The following NCOR1 variants were observed in gnomAD, a reference collection of about 807,000 sequenced individuals.
The protein encoded by NCOR1 is protein phosphatase 1, regulatory subunit 109.
Under a neutral mutation model 288.1 loss-of-function variants are expected in NCOR1, and 63 were observed. That is an observed-to-expected ratio of 0.22 (90% confidence interval 0.18 to 0.27). NCOR1 has a LOEUF of 0.27. Among genes scored for constraint, NCOR1 ranks in the 10% least tolerant of loss-of-function variants. NCOR1 has a pLI of 1.00. For missense variants in NCOR1, 2,397 were observed against 3,019.2 expected, an observed-to-expected ratio of 0.79 and a Z score of 4.83; for synonymous variants, 1,007 against 1,065.9, an observed-to-expected ratio of 0.94 and a Z score of 1.08.
intron 28 of NCOR1, among the ~76,000 whole-genome samples, chr17:16,073,153 G>A (rs2061966579): frequency 6.6e-6 from 1 of 152,130 alleles, no homozygotes; most frequent in South Asian, 2.1e-4. Context: ...CAAATTGTAT[G>A]AGCATTCAAA....
At chr17:16,058,698 C>G in intron 37 of NCOR1, 99 bp from the exon 38 acceptor site, 1 of 1,246,984 alleles carries the variant, frequency 8.0e-7, no homozygotes, top group Non-Finnish European at 1.1e-6. Flanking sequence ...TCTGATCCAC[C>G]ATGTTCAAAG....
chr17:16,149,292 CATATATATAT>C (rs34511605), intron 9 of NCOR1, among the ~76,000 whole-genome samples, 149 bp downstream of exon 9: 8 of 137,962 alleles, frequency 5.8e-5, no homozygotes, highest in African/African-American at 1.6e-4. Flanking sequence ...AGATTTAAGT[CATATATATAT>C]ATATATATAT....
intron 42 of NCOR1, chr17:16,044,331 A>T (rs1316688785): frequency 6.4e-6 from 3 of 466,662 alleles, no homozygotes; most frequent in African/African-American, 2.0e-5. Flanking sequence ...ACACTGGCTC[A>T]TCCTTTTTTC....
intron 18 of NCOR1, among the ~76,000 whole-genome samples, chr17:16,117,533 AAC>A (rs1358776677): frequency 4.7e-5 from 7 of 148,348 alleles, no homozygotes; most frequent in African/African-American, 1.0e-4. Context: ...AAAAAAAAAA[AAC>A]ATCAAGGCTA....
rs144246158 is a variant in NCOR1 at position 16,106,883 on chromosome 17, A to AT, written c.2182+1902dup. Among the ~76,000 whole-genome samples, 74 of 31,414 alleles carry AT rather than the reference A, an allele frequency of 2.4e-3. 2 individuals carry two copies. The highest frequency in any genetic ancestry group is 4.1e-3 in the East Asian group (3 of 740). The allele number at this position is 31,414 out of a possible 152,430, so 20.6% of individuals were successfully genotyped here. On this transcript the variant is annotated intron_variant, in intron 19 of 45. Coordinates refer to ENST00000268712, the MANE Select transcript of NCOR1 (RefSeq NM_006311.4). ...TATATATATATATATATATATATATATTTTTTTTTTTTTTTTTTTTTTTTT... is the reference window on the plus strand; with the variant it reads ...TATATATATATATATATATATATATATTTTTTTTTTTTTTTTTTTTTTTTTT...
intron 43 of NCOR1, 164 bp downstream of exon 43, chr17:16,040,277 T>C (rs2057318152): frequency 1.4e-6 from 1 of 706,850 alleles, no homozygotes. Context: ...TCTCAGTTCC[T>C]TTCTGTGCTA....
chr17:16,213,251 G>C (rs2092297175), intron 1 of NCOR1, among the ~76,000 whole-genome samples: 1 of 152,008 alleles, frequency 6.6e-6, no homozygotes, highest in Non-Finnish European at 1.5e-5. Context: ...CCAGCACTTT[G>C]GGAGGCCAAG....
At chr17:16,119,737 T>C (rs1343359569) in intron 16 of NCOR1, among the ~76,000 whole-genome samples, 1 of 152,138 alleles carries the variant, frequency 6.6e-6, no homozygotes, top group East Asian at 1.9e-4. Context: ...AACATTTTGT[T>C]TTTTTCTGGA....
rs1297017559 is a variant in NCOR1, at chr17:16,034,799, T to G, written c.7101A>C (p.Pro2367=). 1.2e-6 allele frequency: 2 copies of G among 1,613,854 alleles called. No homozygotes were observed. Among genetic ancestry groups the G allele is most frequent in the Non-Finnish European group, 1.7e-6 (2 of 1,179,954 alleles). Reference sequence around the variant, plus strand: ...AGGGCCTGTCTTCCCAGGCCCACCCTGGCGTCTGCCTATGGTAATCCCCTT... The same window carrying G: ...AGGGCCTGTCTTCCCAGGCCCACCCGGGCGTCTGCCTATGGTAATCCCCTT... ...HSEGDYHRQT[P]GWAWEDRPSS... Residue 2367 remains proline (P), a synonymous_variant, in exon 45 of 46, where the codon CCA becomes CCC. Transcript: ENST00000268712.
At chr17:16,179,469 G>T (rs1270761448) in intron 3 of NCOR1, among the ~76,000 whole-genome samples, 2 of 152,152 alleles carry the variant, frequency 1.3e-5, no homozygotes, top group Admixed American at 1.3e-4. Context: ...GGCTGAAGAA[G>T]TAATCAAAAA....
chr17:16,073,441 C>T lies in NCOR1; in HGVS notation c.3799G>A (p.Ala1267Thr), dbSNP rs150518868. 5 of 1,602,788 alleles carry T rather than the reference C, an allele frequency of 3.1e-6. No homozygotes were observed. Among genetic ancestry groups the T allele is most frequent in the Non-Finnish European group, 4.3e-6 (5 of 1,175,138 alleles). Reference sequence around the variant, plus strand: ...AACAATGCTTTACCCTCTAACGGTGCTGATACAGGAGACTCCCTCATTGAC... The same window carrying T: ...AACAATGCTTTACCCTCTAACGGTGTTGATACAGGAGACTCCCTCATTGAC... The part of the protein sequence containing the change: ...GMSMRESPVS[A>T]PLEGLICRAL... Residue 1267 changes from alanine to threonine, a missense_variant, in exon 28 of 46, where the codon GCA (alanine) becomes ACA (threonine). Around this residue, in one of 11 missense-constraint regions of NCOR1, gnomAD observed 1,872 missense variants for 2,187.8 expected, o/e 0.86. Coordinates refer to ENST00000268712, the MANE Select transcript of NCOR1 (RefSeq NM_006311.4).
At chr17:16,138,091 G>T in intron 13 of NCOR1, 67 bp downstream of exon 13, 2 of 1,337,542 alleles carry the variant, frequency 1.5e-6, no homozygotes, top group Non-Finnish European at 2.1e-6. Flanking sequence ...ATGTGTCAGA[G>T]CACAAGAATT....
At chr17:16,070,032 A>G in intron 31 of NCOR1, 133 bp downstream of exon 31, 1 of 1,183,362 alleles carries the variant, frequency 8.5e-7, no homozygotes, top group South Asian at 1.6e-5. Flanking sequence ...CCATACTCCT[A>G]GACTCAAGCA....
At chr17:16,096,119 T>G (rs2066565268) in intron 21 of NCOR1, among the ~76,000 whole-genome samples, 1 of 152,166 alleles carries the variant, frequency 6.6e-6, no homozygotes, top group African/African-American at 2.4e-5. Flanking sequence ...AAACAGATGC[T>G]TGAAGGCAGC....
At chr17:16,085,616 A>T (rs1476560165) in intron 23 of NCOR1, among the ~76,000 whole-genome samples, 1 of 152,216 alleles carries the variant, frequency 6.6e-6, no homozygotes, top group African/African-American at 2.4e-5. Context: ...AAAAGAGTAC[A>T]CCATGTTTGA....
intron 17 of NCOR1, among the ~76,000 whole-genome samples, chr17:16,118,953 T>C (rs896610309): frequency 6.6e-6 from 1 of 152,220 alleles, no homozygotes; most frequent in African/African-American, 2.4e-5. Context: ...CTTCATGCTC[T>C]TTCCTCTGAA....
Position 16,034,937 on chromosome 17 carries a change from A to G in NCOR1, c.6963T>C (p.Val2321=). 6.2e-7 allele frequency: 1 copy of G among 1,613,788 alleles called. No homozygotes were observed. The highest frequency in any genetic ancestry group is 8.5e-7 in the Non-Finnish European group (1 of 1,179,878). ...EGDPSPHSGG[V]CKPKLISKSN... ...ACTTGCTGATCAGCTTTGGTTTGCA[A>G]ACTCCTCCTGAAAGTGAAATTCAAG... is the stretch of plus-strand genomic sequence containing the variant. The change falls in exon 45 of 46, where the codon GTT becomes GTC. Residue 2321 remains valine (V), a synonymous_variant. Coordinates refer to ENST00000268712, the MANE Select transcript of NCOR1 (RefSeq NM_006311.4).
intron 6 of NCOR1, among the ~76,000 whole-genome samples, chr17:16,154,334 GT>G (rs1306012676): frequency 6.6e-6 from 1 of 152,082 alleles, no homozygotes. Context: ...TGTATTCTAA[GT>G]CTACAGATAG....
intron 20 of NCOR1, 34 bp downstream of exon 20, chr17:16,101,216 T>C (rs749042182): frequency 6.5e-7 from 1 of 1,534,666 alleles, no homozygotes; most frequent in South Asian, 1.3e-5. Flanking sequence ...ACCAGCAGAG[T>C]AAGCACGGGG....
Sources: allele counts gnomAD v4.1 joint callset (sites outside exome capture counted in the v4.1 genomes callset), GRCh38; gene constraint gnomAD v4.1.1; regional missense constraint gnomAD v4.1.1; transcripts MANE v1.5; gene names NCBI Gene and HGNC (gene_info 2026-07-23, HGNC 2026-07-21).